The following ARFGEF1 variants were observed in gnomAD, a reference collection of about 807,000 sequenced individuals.
ARFGEF1 encodes ARF guanine nucleotide exchange factor 1.
ARFGEF1 carries 42 observed loss-of-function variants against 231.0 expected under a neutral mutation model. That is an observed-to-expected ratio of 0.18 (90% CI 0.14 to 0.24). The LOEUF (loss-of-function observed/expected upper bound fraction) is 0.24. Among genes scored for constraint, ARFGEF1 ranks in the 10% least tolerant of loss-of-function variants. The pLI is 1.00. For missense variants in ARFGEF1, 1,345 were observed against 2,192.0 expected (o/e 0.61, Z 7.72); for synonymous variants, 710 against 732.3 (o/e 0.97, Z 0.49).
intron 22 of ARFGEF1, among the ~76,000 whole-genome samples, chr8:67,234,679 T>A (rs1333607472): frequency 6.6e-6 from 1 of 152,188 alleles, no homozygotes; most frequent in African/African-American, 2.4e-5. Flanking sequence ...TTAGGTTTAA[T>A]GTACTACTTT....
rs974159720 is a variant in ARFGEF1 at position 67,252,769 on chromosome 8, A to G, written c.2698+682T>C. ...GGTGTTAGTTAGACCTAAGGACTCT[A>G]CAGTGATGTAACTTGTGGTCTGTTT... On this transcript the variant is annotated intron_variant, in intron 18 of 38. Transcript: ENST00000262215. 2.6e-5 allele frequency among the ~76,000 whole-genome samples: 4 copies of G among 152,186 alleles called. No individual in the cohort carries two copies. In the East Asian group the frequency reaches 5.8e-4, roughly 22 times the overall value.
rs747216017 is a variant in ARFGEF1 at position 67,238,694 on chromosome 8, T to C, written c.3138+41A>G. 4.4e-6 allele frequency: 7 copies of C among 1,600,440 alleles called. No homozygotes were observed. In the African/African-American group the frequency reaches 9.4e-5, roughly 21 times the overall value. ...ATGGACTATTTAGCATTAGCTCATT[T>C]TATAAACCAAATTGCAAAGTTGAAA... On this transcript the variant is annotated intron_variant, in intron 21 of 38. Coordinates refer to ENST00000262215, the MANE Select transcript of ARFGEF1 (RefSeq NM_006421.5).
intron 22 of ARFGEF1, 93 bp downstream of exon 22, chr8:67,238,250 T>C (rs999323144): frequency 1.4e-5 from 19 of 1,325,940 alleles, no homozygotes; most frequent in Non-Finnish European, 1.9e-5. Flanking sequence ...AGGCATTTTA[T>C]CTTCTCCTTC....
At chr8:67,175,934 A>C (rs754004172) in intron 5 of ARFGEF1, among the ~76,000 whole-genome samples, 2 of 152,234 alleles carry the variant, frequency 1.3e-5, no homozygotes, top group Non-Finnish European at 2.9e-5. Flanking sequence ...GGTTACTAGG[A>C]GTGCAGGTAC....
At chr8:67,231,354 T>G (rs2128873931) in intron 23 of ARFGEF1, among the ~76,000 whole-genome samples, 1 of 152,216 alleles carries the variant, frequency 6.6e-6, no homozygotes, top group Admixed American at 6.6e-5. Context: ...ATTTATGTTT[T>G]TAGAAGTATC....
intron 19 of ARFGEF1, among the ~76,000 whole-genome samples, chr8:67,246,591 T>C (rs1217568921): frequency 1.3e-5 from 2 of 150,154 alleles, no homozygotes; most frequent in Non-Finnish European, 3.0e-5. Flanking sequence ...CCCAAACCTA[T>C]GGAATATAGT....
intron 20 of ARFGEF1, 142 bp downstream of exon 20, chr8:67,240,020 C>T (rs1375091703): frequency 4.4e-6 from 5 of 1,133,206 alleles, no homozygotes; most frequent in African/African-American, 1.6e-5. Flanking sequence ...GAAGCTTAAA[C>T]ATTAAGATTC....
At chr8:67,238,699 A>C (rs1335957965) in intron 21 of ARFGEF1, 36 bp downstream of exon 21, 1 of 1,603,212 alleles carries the variant, frequency 6.2e-7, no homozygotes, top group East Asian at 2.2e-5. Flanking sequence ...TCATTTTATA[A>C]ACCAAATTGC....
At chr8:67,273,163 T>G (rs1237206202) in intron 9 of ARFGEF1, among the ~76,000 whole-genome samples, 1 of 152,026 alleles carries the variant, frequency 6.6e-6, no homozygotes, top group Non-Finnish European at 1.5e-5. Flanking sequence ...CTTAGCAACT[T>G]ATTCTAAATA....
chr8:67,236,363 AAAATATATATATATAT>A (rs1483961196), intron 22 of ARFGEF1, among the ~76,000 whole-genome samples: 46 of 37,678 alleles, frequency 1.2e-3, no homozygotes, highest in African/African-American at 2.0e-3. Context: ...AAAAAAAAAA[AAAATATATATATATAT>A]ATATATATAT....
At chr8:67,192,032 A>C (rs898440749) in intron 5 of ARFGEF1, among the ~76,000 whole-genome samples, 6 of 148,372 alleles carry the variant, frequency 4.0e-5, no homozygotes, top group Admixed American at 2.0e-4. Flanking sequence ...ATATTTTCTT[A>C]GGAGATATGT....
intron 19 of ARFGEF1, among the ~76,000 whole-genome samples, chr8:67,246,093 C>T (rs1048847183): frequency 6.7e-6 from 1 of 149,810 alleles, no homozygotes; most frequent in Non-Finnish European, 1.5e-5. Flanking sequence ...TATGCACACC[C>T]AGCACTGCAC....
At chr8:67,199,170 C>T in intron 38 of ARFGEF1, 72 bp from the exon 39 acceptor site, 1 of 1,540,626 alleles carries the variant, frequency 6.5e-7, no homozygotes, top group Non-Finnish European at 8.7e-7. Flanking sequence ...TAGAGTCAAA[C>T]TACTCTGGGG....
Position 67,200,377 on chromosome 8 carries a change from T to C in ARFGEF1, c.5385+19A>G, listed in dbSNP as rs756794718. ...ATTGGGCTAGAAATGTGGGGCTGGA[T>C]TCGAAGCCTCATACTTACCCTATTA... On this transcript the variant is annotated intron_variant, in intron 38 of 38. Transcript: ENST00000262215. The C allele has an allele frequency of 5.3e-6, 8 of 1,499,522 alleles. No individual in the cohort carries two copies. The highest frequency in any genetic ancestry group is 4.6e-6 in the Non-Finnish European group (5 of 1,076,050). The allele number at this position is 1,499,522 out of a possible 1,614,324, so 92.9% of individuals were successfully genotyped here. A position where few individuals can be genotyped will look rare whatever the true frequency, so the allele number is the denominator to read the frequency against.
intron 1 of ARFGEF1, among the ~76,000 whole-genome samples, chr8:67,333,332 CT>C (rs35291856): frequency 2.8e-3 from 401 of 141,958 alleles, no homozygotes; most frequent in African/African-American, 3.2e-3. Context: ...CATGCCTGGC[CT>C]TTTTTTTTTT....
chr8:67,271,776 C>T lies in ARFGEF1; in HGVS notation c.1498G>A (p.Val500Ile). 6.2e-7 allele frequency: 1 copy of T among 1,613,800 alleles called. No homozygotes were observed. The highest frequency in any genetic ancestry group is 8.5e-7 in the Non-Finnish European group (1 of 1,179,858). The change falls in exon 10 of 39, where the codon GTT (valine) becomes ATT (isoleucine). Residue 500 changes from valine to isoleucine, a missense_variant. Transcript: ENST00000262215. ...SKNGVSSVPE[V>I]FELSLSIFLT... The stretch of plus-strand genomic sequence containing the variant: ...AATATAGAAAGAGAAAGCTCAAAAA[C>T]CTCTGGAACAGATGAGACTCCATTT...
intron 29 of ARFGEF1, among the ~76,000 whole-genome samples, chr8:67,220,772 T>A (rs1839123061): frequency 6.6e-6 from 1 of 152,206 alleles, no homozygotes; most frequent in Non-Finnish European, 1.5e-5. Flanking sequence ...AGTAACTGGA[T>A]GCTGCCTCTC....
At chr8:67,220,881 GTCT>G (rs1388527434) in intron 29 of ARFGEF1, among the ~76,000 whole-genome samples, 3 of 147,184 alleles carry the variant, frequency 2.0e-5, no homozygotes, top group African/African-American at 7.7e-5. Flanking sequence ...TGTGGAAAAT[GTCT>G]TTTTTTCCTT....
rs1838199574 is a variant in ARFGEF1 at position 67,198,677 on chromosome 8, A to T, written c.*257T>A. 2 of 1,178,138 alleles carry T rather than the reference A, an allele frequency of 1.7e-6. No homozygotes were observed. Among genetic ancestry groups the T allele is most frequent in the Non-Finnish European group, 2.1e-6 (2 of 952,392 alleles). The allele number at this position is 1,178,138 out of a possible 1,614,324, so 73.0% of individuals were successfully genotyped here. A position where few individuals can be genotyped will look rare whatever the true frequency, so the allele number is the denominator to read the frequency against. ...TGGGGCTTTTCCTGCCGTGGAAGAC[A>T]GGGAAGGACCCGTGAGCATGAGCTG... is the stretch of plus-strand genomic sequence containing the variant. On this transcript the variant is annotated 3_prime_UTR_variant, in exon 39 of 39. Transcript: ENST00000262215.
Sources: allele counts gnomAD v4.1 joint callset (sites outside exome capture counted in the v4.1 genomes callset), GRCh38; gene constraint gnomAD v4.1.1; transcripts MANE v1.5; gene names NCBI Gene and HGNC (gene_info 2026-07-23, HGNC 2026-07-21).